EFCAB5: variants seen among roughly 807,000 people sequenced by gnomAD.
EFCAB5 encodes the protein EF-hand calcium-binding domain-containing protein 5.
Under a neutral mutation model 167.9 loss-of-function variants are expected in EFCAB5, and 131 were observed. The observed-to-expected ratio is 0.78, with a 90% CI of 0.68 to 0.90. EFCAB5 has a LOEUF of 0.90. Ranked by LOEUF, EFCAB5 falls within the 40% of genes least tolerant of loss-of-function variation. The probability of loss-of-function intolerance (pLI) is 0.00; values close to 1 mark genes in which losing one functional copy is unlikely to be tolerated. For missense variants in EFCAB5, 1,663 were observed against 1,745.2 expected (o/e 0.95, Z 0.84); for synonymous variants, 574 against 602.8 (o/e 0.95, Z 0.70).
Position 30,082,878 on chromosome 17 carries a change from T to C in EFCAB5, c.3427-13T>C, listed in dbSNP as rs148543585. 6.3e-7 allele frequency: 1 copy of C among 1,595,380 alleles called. No homozygotes were observed. Among genetic ancestry groups the C allele is most frequent in the East Asian group, 2.2e-5 (1 of 44,528 alleles). On this transcript the variant is annotated splice_polypyrimidine_tract_variant and intron_variant, in intron 17 of 22. Transcript: ENST00000394835. ...TAAAAAGAATAGGCTATTTGAATTT[T>C]CTGTCTCTACAGGGTGTTGCTAATG...
intron 3 of EFCAB5, among the ~76,000 whole-genome samples, chr17:29,951,823 G>A (rs935860229): frequency 6.6e-6 from 1 of 152,128 alleles, no homozygotes; most frequent in Non-Finnish European, 1.5e-5. Context: ...TTGGGACCCT[G>A]AGAAGCATAG....
chr17:29,986,657 TTTTTTTTTTG>T, intron 4 of EFCAB5, among the ~76,000 whole-genome samples: 2 of 136,534 alleles, frequency 1.5e-5, no homozygotes, highest in Admixed American at 7.3e-5. Flanking sequence ...TTTTTTTTTT[TTTTTTTTTTG>T]AGACGGAGTC....
chr17:30,049,467 G>A (rs373989722), intron 8 of EFCAB5, among the ~76,000 whole-genome samples: 4 of 151,512 alleles, frequency 2.6e-5, no homozygotes, highest in African/African-American at 9.7e-5. Flanking sequence ...GCGACAGAGC[G>A]AGACTGTGTC....
intron 7 of EFCAB5, among the ~76,000 whole-genome samples, chr17:30,013,484 G>C: frequency 6.6e-6 from 1 of 152,168 alleles, no homozygotes; most frequent in East Asian, 1.9e-4. Context: ...TTCAGAGCCT[G>C]TTATTGGTCT....
At position 30,107,957 on chromosome 17, in the gene EFCAB5, C is replaced by T. The variant is rs748591492; in HGVS notation, c.4445C>T (p.Pro1482Leu). ...TKQLNSGITPPLPSKTDNYMY... is the reference protein window; with the variant it reads ...TKQLNSGITPLLPSKTDNYMY... ...CAACTAAATAGTGGTATTACACCTCCGTTGCCCTCCAAGACTGACAATTAT... is the reference window on the plus strand; with the variant it reads ...CAACTAAATAGTGGTATTACACCTCTGTTGCCCTCCAAGACTGACAATTAT... The change falls in exon 23 of 23, where the codon CCG becomes CTG. Residue 1482 changes from proline to leucine, a missense_variant. Coordinates refer to ENST00000394835, the MANE Select transcript of EFCAB5 (RefSeq NM_198529.4). 8.7e-6 allele frequency: 14 copies of T among 1,611,138 alleles called. No individual in the cohort carries two copies. Among genetic ancestry groups the T allele is most frequent in the Non-Finnish European group, 1.2e-5 (14 of 1,179,260 alleles).
At chr17:30,084,927 A>T (rs1407080358) in intron 18 of EFCAB5, among the ~76,000 whole-genome samples, 1 of 152,088 alleles carries the variant, frequency 6.6e-6, no homozygotes, top group East Asian at 1.9e-4. Flanking sequence ...TTCACCTTTC[A>T]TCAGGCAGTC....
At position 29,992,940 on chromosome 17, in the gene EFCAB5, A is replaced by C. The variant is rs1597634703; in HGVS notation, c.768-225A>C. Among the ~76,000 whole-genome samples, 4 of 152,358 alleles carry C rather than the reference A, an allele frequency of 2.6e-5. No individual in the cohort carries two copies. In the South Asian group the frequency reaches 8.3e-4, roughly 32 times the overall value. On this transcript the variant is annotated intron_variant, in intron 4 of 22. Coordinates refer to ENST00000394835, the MANE Select transcript of EFCAB5 (RefSeq NM_198529.4). ...TAAGTCTAGTATTTAGTTGGGTAAA[A>C]TAAGGCCTACCTCTATAAAAAGTCA... is the stretch of plus-strand genomic sequence containing the variant.
intron 1 of EFCAB5, among the ~76,000 whole-genome samples, chr17:29,931,515 C>G (rs2067194578): frequency 6.6e-6 from 1 of 152,134 alleles, no homozygotes; most frequent in Admixed American, 6.5e-5. Flanking sequence ...TGCAGAGAAG[C>G]CAGCTGGTAG....
intron 4 of EFCAB5, among the ~76,000 whole-genome samples, chr17:29,984,355 G>C (rs1245959772): frequency 6.6e-6 from 1 of 151,760 alleles, no homozygotes; most frequent in Admixed American, 6.6e-5. Context: ...TTTGGTAGCT[G>C]ACCGGTAGAG....
intron 8 of EFCAB5, among the ~76,000 whole-genome samples, chr17:30,038,068 A>C (rs1002349221): frequency 4.6e-5 from 7 of 152,232 alleles, no homozygotes; most frequent in African/African-American, 1.7e-4. Flanking sequence ...CCCTTGCTCC[A>C]GTTAGCCAAG....
intron 19 of EFCAB5, 118 bp from the exon 20 acceptor site, chr17:30,090,303 G>A (rs1160965113): frequency 3.0e-6 from 4 of 1,325,896 alleles, no homozygotes; most frequent in Non-Finnish European, 3.0e-6. Context: ...GAAACAGCAA[G>A]AAGGGCTGGC....
At chr17:29,983,156 A>C (rs2068212273) in intron 4 of EFCAB5, among the ~76,000 whole-genome samples, 1 of 152,226 alleles carries the variant, frequency 6.6e-6, no homozygotes, top group South Asian at 2.1e-4. Flanking sequence ...CAGTAAGATG[A>C]AACCTTTCAA....
At chr17:29,995,474 G>C (rs2068524846) in intron 5 of EFCAB5, among the ~76,000 whole-genome samples, 1 of 152,164 alleles carries the variant, frequency 6.6e-6, no homozygotes, top group African/African-American at 2.4e-5. Context: ...TTTGTCTTCA[G>C]GATCATACTG....
chr17:29,957,812 C>T (rs544947060), intron 3 of EFCAB5, among the ~76,000 whole-genome samples: 1 of 152,152 alleles, frequency 6.6e-6, no homozygotes, highest in East Asian at 1.9e-4. Context: ...ATCTTTATAA[C>T]AGAATGATTT....
At chr17:29,982,339 GT>G (rs1158292885) in intron 4 of EFCAB5, among the ~76,000 whole-genome samples, 7 of 152,240 alleles carry the variant, frequency 4.6e-5, no homozygotes, top group Admixed American at 4.6e-4. Context: ...GGAGGTTGCA[GT>G]GAGCCAAGCA....
In EFCAB5 at chr17:30,092,899, G is replaced by A. The variant is rs2071229100; in HGVS notation, c.4284G>A (p.Val1428=). 3.1e-6 allele frequency: 5 copies of A among 1,611,336 alleles called. No homozygotes were observed. Among genetic ancestry groups the A allele is most frequent in the Non-Finnish European group, 4.2e-6 (5 of 1,178,876 alleles). The change falls in exon 22 of 23, where the codon GTG becomes GTA. Residue 1428 remains valine (V), a synonymous_variant. Coordinates refer to ENST00000394835, the MANE Select transcript of EFCAB5 (RefSeq NM_198529.4). The part of the protein sequence containing the change: ...ICAFDPTAKH[V]EVNVQLIDEY... The stretch of plus-strand genomic sequence containing the variant: ...CCTTTGATCCAACTGCCAAGCATGT[G>A]GAAGTTAATGTACAGCTTATTGATG...
At chr17:29,965,488 T>G (rs984646479) in intron 3 of EFCAB5, among the ~76,000 whole-genome samples, 7 of 152,206 alleles carry the variant, frequency 4.6e-5, no homozygotes, top group African/African-American at 1.7e-4. Flanking sequence ...CCATGTGCAC[T>G]TGAGAAAAAT....
intron 7 of EFCAB5, among the ~76,000 whole-genome samples, chr17:30,031,471 G>C (rs1292388907): frequency 1.3e-5 from 2 of 152,082 alleles, no homozygotes; most frequent in East Asian, 1.9e-4. Context: ...GATGTTCTTG[G>C]CCAATTTGTT....
At position 30,091,912 on chromosome 17, in the gene EFCAB5, T is replaced by G; in HGVS notation, c.3979T>G (p.Phe1327Val). Reference sequence around the variant, plus strand: ...GGAAGTCCAGCGGGCAGGAATTCTCTTCTTCCGAATCATGCTGCTCGAGCT... The same window carrying G: ...GGAAGTCCAGCGGGCAGGAATTCTCGTCTTCCGAATCATGCTGCTCGAGCT... ...VREVQRAGIL[F>V]FRIMLLELQE... Residue 1327 changes from phenylalanine (F) to valine (V), a missense_variant, in exon 21 of 23, where the codon TTC (phenylalanine) becomes GTC (valine). By Grantham distance (50) the Phe-to-Val change is conservative. Transcript: ENST00000394835. 1.2e-6 allele frequency: 2 copies of G among 1,614,024 alleles called. No individual in the cohort carries two copies. Among genetic ancestry groups the G allele is most frequent in the East Asian group, 2.2e-5 (1 of 44,888 alleles).
Sources: gnomAD v4.1 joint callset for allele counts (sites outside exome capture counted in the v4.1 genomes callset) on GRCh38, gnomAD v4.1.1 for gene constraint, MANE v1.5 for transcripts, NCBI Gene and HGNC (gene_info 2026-07-23, HGNC 2026-07-21) for gene names.